The following CCDC60 variants were observed in gnomAD, a reference collection of about 807,000 sequenced individuals.
CCDC60 encodes coiled-coil domain containing 60, also known as coiled-coil domain-containing protein 60.
A neutral mutation model predicts 63.5 loss-of-function variants in CCDC60; 54 were observed. That is an observed-to-expected ratio of 0.85 (90% CI 0.68 to 1.07). The LOEUF (loss-of-function observed/expected upper bound fraction) is 1.07, where lower values mean the gene tolerates loss of function less well. Among genes scored for constraint, CCDC60 ranks in the 50% least tolerant of loss-of-function variants. CCDC60 has a pLI of 0.00. For missense variants in CCDC60, 651 were observed against 684.3 expected (o/e 0.95, Z 0.54); for synonymous variants, 206 against 238.8 (o/e 0.86, Z 1.27).
intron 6 of CCDC60, among the ~76,000 whole-genome samples, chr12:119,500,942 G>C (rs1951836818): frequency 6.6e-6 from 1 of 152,110 alleles, no homozygotes; most frequent in African/African-American, 2.4e-5. Flanking sequence ...AGGACACCAA[G>C]ATACAGATTC....
chr12:119,522,390 T>C (rs747187822), intron 9 of CCDC60, among the ~76,000 whole-genome samples: 3 of 152,122 alleles, frequency 2.0e-5, no homozygotes, highest in Non-Finnish European at 4.4e-5. Flanking sequence ...AATGGTTGGA[T>C]GGCATGATGA....
At chr12:119,464,065 C>T (rs989899083) in intron 2 of CCDC60, among the ~76,000 whole-genome samples, 3 of 143,364 alleles carry the variant, frequency 2.1e-5, no homozygotes, top group East Asian at 4.5e-4. Context: ...CCCTTCCTTC[C>T]TCTGCGCCTG....
intron 2 of CCDC60, among the ~76,000 whole-genome samples, chr12:119,469,380 C>A (rs1951012943): frequency 6.6e-6 from 1 of 152,142 alleles, no homozygotes; most frequent in Non-Finnish European, 1.5e-5. Flanking sequence ...TCTCCCTCAG[C>A]CTCCCGAGTA....
intron 1 of CCDC60, among the ~76,000 whole-genome samples, chr12:119,407,190 C>T (rs1297440217): frequency 2.0e-5 from 3 of 151,872 alleles, no homozygotes; most frequent in Admixed American, 6.6e-5. Context: ...TGGCCAAGTG[C>T]AGTAGGAAAA....
chr12:119,460,185 A>G (rs1274436723), intron 2 of CCDC60, among the ~76,000 whole-genome samples: 1 of 152,184 alleles, frequency 6.6e-6, no homozygotes, highest in East Asian at 1.9e-4. Context: ...AAAGACTCTT[A>G]ATCTCACAGA....
intron 1 of CCDC60, among the ~76,000 whole-genome samples, chr12:119,343,617 A>G (rs541707944): frequency 4.0e-5 from 6 of 151,188 alleles, no homozygotes; most frequent in Admixed American, 2.0e-4. Flanking sequence ...ATAAATAACT[A>G]TGAATCAAGA....
intron 1 of CCDC60, among the ~76,000 whole-genome samples, chr12:119,418,134 T>G (rs950461258): frequency 1.3e-5 from 2 of 152,256 alleles, no homozygotes; most frequent in African/African-American, 4.8e-5. Flanking sequence ...GTTTCCATAT[T>G]TTTCATATGT....
At chr12:119,387,766 C>T (rs1956085898) in intron 1 of CCDC60, among the ~76,000 whole-genome samples, 1 of 152,154 alleles carries the variant, frequency 6.6e-6, no homozygotes, top group Non-Finnish European at 1.5e-5. Flanking sequence ...TTGCTTTTAA[C>T]GGCTGCCTCA....
Position 119,344,853 on chromosome 12 carries a change from T to C in CCDC60, c.90+9587T>C, listed in dbSNP as rs1000165391. 1.2e-4 allele frequency among the ~76,000 whole-genome samples: 12 copies of C among 104,182 alleles called. No homozygotes were observed. In the Middle Eastern group the frequency reaches 0.02, roughly 172 times the overall value. 68.3% of individuals were successfully genotyped at this position (104,182 alleles called of 152,430 possible). Reference sequence around the variant, plus strand: ...CTCTCTCTTTCTCTCTCTCTCTCTCTCTCACACACACACACACACACACAC... The same window carrying C: ...CTCTCTCTTTCTCTCTCTCTCTCTCCCTCACACACACACACACACACACAC... On this transcript the variant is annotated intron_variant, in intron 1 of 13. Coordinates refer to ENST00000327554, the MANE Select transcript of CCDC60 (RefSeq NM_178499.5).
intron 2 of CCDC60, among the ~76,000 whole-genome samples, chr12:119,470,520 G>A (rs1951036098): frequency 6.6e-6 from 1 of 152,172 alleles, no homozygotes; most frequent in Non-Finnish European, 1.5e-5. Context: ...TATTCCCAAT[G>A]GACATTTGTA....
chr12:119,334,815 CT>C lies in CCDC60; in HGVS notation c.-361del, dbSNP rs1955454187. The C allele has an allele frequency of 6.3e-6, 1 of 158,716 alleles. No individual in the cohort carries two copies. The highest frequency in any genetic ancestry group is 2.4e-5 in the African/African-American group (1 of 41,792). The allele number at this position is 158,716 out of a possible 1,614,324, so 9.8% of individuals were successfully genotyped here. On this transcript the variant is annotated 5_prime_UTR_variant, in exon 1 of 14. The change creates a premature stop within an existing upstream ORF in the 5' untranslated region. Coordinates refer to ENST00000327554, the MANE Select transcript of CCDC60 (RefSeq NM_178499.5). ...ATCTGGGAGCCCCTCCATGGGACCCCTCTCACACTTTGTCACTGGAATTTTA... is the reference window on the plus strand; with the variant it reads ...ATCTGGGAGCCCCTCCATGGGACCCCCTCACACTTTGTCACTGGAATTTTA...
At chr12:119,470,755 C>A (rs1951041904) in intron 2 of CCDC60, among the ~76,000 whole-genome samples, 1 of 152,112 alleles carries the variant, frequency 6.6e-6, no homozygotes, top group African/African-American at 2.4e-5. Context: ...TCCCCCTAGT[C>A]TCAATTAGGT....
chr12:119,392,840 T>C (rs1956184243), intron 1 of CCDC60, among the ~76,000 whole-genome samples: 1 of 152,102 alleles, frequency 6.6e-6, no homozygotes, highest in African/African-American at 2.4e-5. Context: ...GGTCTCGTGT[T>C]TGTGAGGTGC....
intron 1 of CCDC60, among the ~76,000 whole-genome samples, chr12:119,392,479 T>TAATAGTAAC (rs1366116940): frequency 3.3e-5 from 5 of 152,210 alleles, no homozygotes; most frequent in Non-Finnish European, 7.3e-5. Flanking sequence ...ATGGTGATAA[T>TAATAGTAAC]AATAGTAACA....
chr12:119,450,868 A>AAAAAGAG (rs112032535), intron 2 of CCDC60, among the ~76,000 whole-genome samples: 26 of 141,726 alleles, frequency 1.8e-4, no homozygotes, highest in Admixed American at 7.1e-4. Context: ...AAAAAAAAAA[A>AAAAAGAG]AGAGAGAGAG....
intron 2 of CCDC60, among the ~76,000 whole-genome samples, chr12:119,463,784 C>G (rs1042630239): frequency 1.3e-5 from 2 of 152,174 alleles, no homozygotes; most frequent in Non-Finnish European, 2.9e-5. Flanking sequence ...TTCTTATGGC[C>G]CTGCACATGA....
intron 2 of CCDC60, among the ~76,000 whole-genome samples, chr12:119,434,249 T>C (rs1470085205): frequency 2.0e-5 from 3 of 149,988 alleles, no homozygotes; most frequent in African/African-American, 7.4e-5. Context: ...ATAACAAAGG[T>C]GGAATTTGGG....
rs114182680 is a variant in CCDC60, at chr12:119,385,313, T to C, written c.91-43370T>C. On this transcript the variant is annotated intron_variant, in intron 1 of 13. Transcript: ENST00000327554. ...CACTGCTGGGAGATCAAAGGTGATA[T>C]GGTTTGGCTGTGTCCCCACCCACAT... Among the ~76,000 whole-genome samples the C allele has an allele frequency of 9.2e-3, 1,401 of 152,246 alleles. 20 individuals are homozygous for C. The highest frequency in any genetic ancestry group is 0.032 in the African/African-American group (1,335 of 41,542).
chr12:119,372,038 A>G (rs1026996032), intron 1 of CCDC60, among the ~76,000 whole-genome samples: 4 of 152,014 alleles, frequency 2.6e-5, no homozygotes, highest in Admixed American at 2.6e-4. Context: ...CGGGTGGATC[A>G]CTTGATGTCA....
Sources: allele counts gnomAD v4.1 joint callset (sites outside exome capture counted in the v4.1 genomes callset), GRCh38; gene constraint gnomAD v4.1.1; transcripts MANE v1.5; gene names NCBI Gene and HGNC (gene_info 2026-07-23, HGNC 2026-07-21).